The following RB1CC1 variants were observed in gnomAD, a reference collection of about 807,000 sequenced individuals.
RB1CC1 encodes RB1 inducible coiled-coil 1.
In RB1CC1, 46 loss-of-function variants were observed where a neutral mutation model predicts 177.5. That is an observed-to-expected ratio of 0.26 (90% confidence interval 0.20 to 0.33). The LOEUF is 0.33. RB1CC1 is among the 10% of genes least tolerant of loss of function. The probability of loss-of-function intolerance (pLI) is 1.00; values close to 1 mark genes in which losing one functional copy is unlikely to be tolerated. For synonymous variants in RB1CC1, 666 were observed against 613.6 expected (o/e 1.09, Z -1.26); for missense variants, 1,703 against 1,816.3 (o/e 0.94, Z 1.13).
At chr8:52,625,078 G>A (rs1227440643) in intron 22 of RB1CC1, among the ~76,000 whole-genome samples, 4 of 152,036 alleles carry the variant, frequency 2.6e-5, no homozygotes, top group South Asian at 4.1e-4. Context: ...TACAAATCAT[G>A]AACAAATATG....
chr8:52,698,812 T>C (rs1296951497), intron 1 of RB1CC1, among the ~76,000 whole-genome samples: 1 of 148,820 alleles, frequency 6.7e-6, no homozygotes, highest in Non-Finnish European at 1.5e-5. Context: ...TGCCTCAGCC[T>C]CGGAGTAGCT....
At chr8:52,677,452 C>T (rs536258649) in intron 5 of RB1CC1, among the ~76,000 whole-genome samples, 82 of 152,102 alleles carry the variant, frequency 5.4e-4, no homozygotes, top group African/African-American at 1.8e-3. Flanking sequence ...TGATCAAAGA[C>T]CCAGAAGATA....
rs572690488 is a variant in RB1CC1, at chr8:52,666,189, C to T, written c.1173+1832G>A. On this transcript the variant is annotated intron_variant, in intron 8 of 23. Coordinates refer to ENST00000025008, the MANE Select transcript of RB1CC1 (RefSeq NM_014781.5). The stretch of plus-strand genomic sequence containing the variant: ...TTCTTATTAAAAAAAAAATCAGGTA[C>T]ATGAAAAGGCAAGACCATAAGAGTG... 5.3e-5 allele frequency among the ~76,000 whole-genome samples: 8 copies of T among 152,062 alleles called. No individual in the cohort carries two copies. In the South Asian group the frequency reaches 1.7e-3, roughly 32 times the overall value.
chr8:52,690,624 C>T (rs1435526576), intron 1 of RB1CC1, among the ~76,000 whole-genome samples: 2 of 152,176 alleles, frequency 1.3e-5, no homozygotes, highest in Admixed American at 1.3e-4. Flanking sequence ...AGGAGACACA[C>T]CATTTTTGTG....
At position 52,656,430 on chromosome 8, in the gene RB1CC1, T is replaced by C; in HGVS notation, c.3399A>G (p.Lys1133=). The change falls in exon 15 of 24, where the codon AAA becomes AAG. Residue 1133 remains lysine (K), a synonymous_variant. Coordinates refer to ENST00000025008, the MANE Select transcript of RB1CC1 (RefSeq NM_014781.5). Reference sequence around the variant, plus strand: ...TAATTAACTCGGAAATACACTGATCTTTTTCAATTGTCATTAAAGTTCTTA... The same window carrying C: ...TAATTAACTCGGAAATACACTGATCCTTTTCAATTGTCATTAAAGTTCTTA... ...AELRTLMTIE[K]DQCISELISR... is the part of the protein sequence containing the mutation. The C allele has an allele frequency of 1.9e-6, 3 of 1,611,696 alleles. No homozygotes were observed. Among genetic ancestry groups the C allele is most frequent in the South Asian group, 1.1e-5 (1 of 90,862 alleles).
chr8:52,641,562 G>C (rs1025007844), intron 18 of RB1CC1, among the ~76,000 whole-genome samples: 1 of 152,036 alleles, frequency 6.6e-6, no homozygotes, highest in Non-Finnish European at 1.5e-5. Flanking sequence ...CTTGAACCTG[G>C]ATCTGTTTGA....
At chr8:52,655,585 A>T (rs1392923885) in intron 15 of RB1CC1, among the ~76,000 whole-genome samples, 1 of 152,144 alleles carries the variant, frequency 6.6e-6, no homozygotes, top group Non-Finnish European at 1.5e-5. Flanking sequence ...TGTTCCTATG[A>T]TTTAGCCTTT....
intron 13 of RB1CC1, among the ~76,000 whole-genome samples, chr8:52,658,670 G>C (rs1019122667): frequency 6.6e-6 from 1 of 151,492 alleles, no homozygotes; most frequent in Non-Finnish European, 1.5e-5. Context: ...TACATGTAAG[G>C]CATGTCTTCC....
At chr8:52,659,024 A>T (rs753882665) in intron 12 of RB1CC1, 48 bp from the exon 13 acceptor site, 10 of 992,500 alleles carry the variant, frequency 1.0e-5, no homozygotes, top group Non-Finnish European at 1.4e-5. Flanking sequence ...TCAACCAAAA[A>T]CAGACAGCAA....
chr8:52,710,349 A>G (rs1432324292), intron 1 of RB1CC1, among the ~76,000 whole-genome samples: 1 of 152,252 alleles, frequency 6.6e-6, no homozygotes, highest in Non-Finnish European at 1.5e-5. Context: ...GCGAGCATTT[A>G]GAAAGGTAGT....
chr8:52,627,045 A>C (rs1038992465), intron 22 of RB1CC1, among the ~76,000 whole-genome samples: 2 of 151,898 alleles, frequency 1.3e-5, no homozygotes, highest in African/African-American at 2.4e-5. Flanking sequence ...ACAGAGCAAA[A>C]ACTTGTCTTA....
chr8:52,640,343 C>T (rs930836999), intron 18 of RB1CC1, among the ~76,000 whole-genome samples: 8 of 152,076 alleles, frequency 5.3e-5, no homozygotes, highest in Admixed American at 2.6e-4. Context: ...TAATGTACTG[C>T]GCTATCTCAA....
intron 15 of RB1CC1, among the ~76,000 whole-genome samples, chr8:52,646,401 G>T (rs1000628231): frequency 6.6e-6 from 1 of 152,110 alleles, no homozygotes. Flanking sequence ...ATCCTGCCTG[G>T]GCAACATAAG....
chr8:52,650,163 C>T (rs1312964287), intron 15 of RB1CC1, among the ~76,000 whole-genome samples: 1 of 152,194 alleles, frequency 6.6e-6, no homozygotes, highest in Non-Finnish European at 1.5e-5. Context: ...GGAAATATGC[C>T]GGACTGTGTG....
intron 19 of RB1CC1, 55 bp downstream of exon 19, chr8:52,635,960 T>C (rs553634225): frequency 1.9e-6 from 3 of 1,579,706 alleles, no homozygotes; most frequent in South Asian, 1.2e-5. Context: ...GAAGTTTAAC[T>C]GTATCCAAAA....
intron 20 of RB1CC1, among the ~76,000 whole-genome samples, chr8:52,634,164 C>G (rs1217062924): frequency 1.3e-5 from 2 of 151,828 alleles, no homozygotes; most frequent in East Asian, 3.9e-4. Flanking sequence ...TCAATAAAAA[C>G]CAGGGCAATT....
rs1851647157 is a variant in RB1CC1 at position 52,661,735 on chromosome 8, TG to T, written c.1174-17del. 1 of 1,525,286 alleles carries T rather than the reference TG, an allele frequency of 6.6e-7. No homozygotes were observed. The highest frequency in any genetic ancestry group is 2.2e-5 in the Admixed American group (1 of 46,170). 94.5% of individuals were successfully genotyped at this position (1,525,286 alleles called of 1,614,324 possible). A position where few individuals can be genotyped will look rare whatever the true frequency, so the allele number is the denominator to read the frequency against. ...CTAAAAATCCCTTTGAGAAAAAAAA[TG>T]TTTCAAAGGACATTAATTTTGTTTC... On this transcript the variant is annotated splice_polypyrimidine_tract_variant and intron_variant, in intron 8 of 23. Coordinates refer to ENST00000025008, the MANE Select transcript of RB1CC1 (RefSeq NM_014781.5).
At chr8:52,699,662 A>T (rs910092377) in intron 1 of RB1CC1, among the ~76,000 whole-genome samples, 1 of 149,014 alleles carries the variant, frequency 6.7e-6, no homozygotes, top group Non-Finnish European at 1.5e-5. Context: ...AAAAAAAAAA[A>T]TACAAAATTA....
chr8:52,658,142 GC>G lies in RB1CC1; in HGVS notation c.1794-19del. Reference sequence around the variant, plus strand: ...AGGGAACCCTGAAACAGAATGCAATGCAATTAGACTTCTGATTTTTTAATGA... The same window carrying G: ...AGGGAACCCTGAAACAGAATGCAATGAATTAGACTTCTGATTTTTTAATGA... On this transcript the variant is annotated intron_variant, in intron 13 of 23. Coordinates refer to ENST00000025008, the MANE Select transcript of RB1CC1 (RefSeq NM_014781.5). The G allele has an allele frequency of 6.3e-7, 1 of 1,596,090 alleles. No individual in the cohort carries two copies. The highest frequency in any genetic ancestry group is 8.5e-7 in the Non-Finnish European group (1 of 1,174,368).
Sources: gnomAD v4.1 joint callset for allele counts (sites outside exome capture counted in the v4.1 genomes callset) on GRCh38, gnomAD v4.1.1 for gene constraint, MANE v1.5 for transcripts, NCBI Gene and HGNC (gene_info 2026-07-23, HGNC 2026-07-21) for gene names.